The following FHIP1A variants were observed in gnomAD, a reference collection of about 807,000 sequenced individuals.
FHIP1A encodes the protein FHF complex subunit HOOK interacting protein 1A, also known as FHF complex subunit HOOK-interacting protein 1A.
A neutral mutation model predicts 88.6 loss-of-function variants in FHIP1A; 61 were observed. The observed-to-expected ratio is 0.69, with a 90% CI of 0.56 to 0.85. The LOEUF (loss-of-function observed/expected upper bound fraction) is 0.85. Ranked by LOEUF, FHIP1A falls within the 40% of genes least tolerant of loss-of-function variation. The pLI, the probability that FHIP1A is intolerant of heterozygous loss-of-function variation, is 0.00. For missense variants in FHIP1A, 1,154 were observed against 1,273.5 expected (o/e 0.91, Z 1.43); for synonymous variants, 478 against 496.0 (o/e 0.96, Z 0.48).
At chr4:151,622,264 C>T (rs1327890954) in intron 7 of FHIP1A, among the ~76,000 whole-genome samples, 1 of 152,126 alleles carries the variant, frequency 6.6e-6, no homozygotes. Flanking sequence ...TCCATCACCA[C>T]TTATTAAGAT....
rs77297958 is a variant in FHIP1A at position 151,415,636 on chromosome 4, T to A, written c.-356+6171T>A. On this transcript the variant is annotated intron_variant, in intron 1 of 13. Coordinates refer to ENST00000435205, the MANE Select transcript of FHIP1A (RefSeq NM_001109977.3). ...GGTTTGTGAGTCACTGTTATGAAAA[T>A]GTTAAATTTCTTTTATTTACATTTC... Among the ~76,000 whole-genome samples the A allele has an allele frequency of 5.4e-3, 820 of 152,370 alleles. 7 individuals are homozygous for A. Among genetic ancestry groups the A allele is most frequent in the African/African-American group, 0.019 (798 of 41,582 alleles).
chr4:151,627,826 A>G (rs1405782599), intron 7 of FHIP1A, among the ~76,000 whole-genome samples: 1 of 152,222 alleles, frequency 6.6e-6, no homozygotes, highest in African/African-American at 2.4e-5. Context: ...TCTGGCAAAT[A>G]TAAATCACTA....
chr4:151,653,727 G>A (rs936269078), intron 11 of FHIP1A, among the ~76,000 whole-genome samples: 2 of 152,112 alleles, frequency 1.3e-5, no homozygotes, highest in Non-Finnish European at 2.9e-5. Context: ...GGAGCTTCAG[G>A]TCCACATCAG....
At chr4:151,524,201 C>T (rs1731548776) in intron 3 of FHIP1A, among the ~76,000 whole-genome samples, 1 of 151,766 alleles carries the variant, frequency 6.6e-6, no homozygotes, top group Admixed American at 6.6e-5. Flanking sequence ...ACTTGGGAGG[C>T]TGAGGCAGGA....
chr4:151,479,475 C>T (rs1729821213), intron 2 of FHIP1A, among the ~76,000 whole-genome samples: 1 of 152,012 alleles, frequency 6.6e-6, no homozygotes, highest in South Asian at 2.1e-4. Flanking sequence ...TATTACCTGT[C>T]CCAGTTCAAT....
rs114364661 is a variant in FHIP1A, at chr4:151,493,813, G to A, written c.-123+11165G>A. On this transcript the variant is annotated intron_variant, in intron 3 of 13. Transcript: ENST00000435205. ...AATCCTTAGCAAAATCAACATTGAA[G>A]GGACATACCTTAAGGTAATAAAAGC... Among the ~76,000 whole-genome samples the A allele has an allele frequency of 5.6e-3, 850 of 152,258 alleles. 6 individuals carry two copies. The highest frequency in any genetic ancestry group is 0.019 in the African/African-American group (773 of 41,562).
rs1270923524 is a variant in FHIP1A, at chr4:151,656,518, ATT to A, written c.2730+110_2730+111del. ...TTCAAAAATTCCTTTGCTCTAATTCATTTGCTTTCCTTCCCTGTCCTATTAAG... is the reference window on the plus strand; with the variant it reads ...TTCAAAAATTCCTTTGCTCTAATTCATGCTTTCCTTCCCTGTCCTATTAAG... On this transcript the variant is annotated intron_variant, in intron 12 of 13. Transcript: ENST00000435205. The surrounding 1 kb of genome is among the most constrained non-coding windows in gnomAD (Gnocchi z 4.2). 1.7e-6 allele frequency: 2 copies of A among 1,197,946 alleles called. No homozygotes were observed. The highest frequency in any genetic ancestry group is 5.1e-5 in the East Asian group (2 of 39,178). The allele number at this position is 1,197,946 out of a possible 1,614,324, so 74.2% of individuals were successfully genotyped here.
chr4:151,598,669 C>T (rs1207403292), intron 7 of FHIP1A, among the ~76,000 whole-genome samples: 4 of 152,162 alleles, frequency 2.6e-5, no homozygotes, highest in African/African-American at 9.7e-5. Context: ...TAAATAATTT[C>T]ATGCTTAAAC....
At chr4:151,622,575 T>C (rs772353234) in intron 7 of FHIP1A, among the ~76,000 whole-genome samples, 5 of 152,106 alleles carry the variant, frequency 3.3e-5, no homozygotes, top group Non-Finnish European at 7.4e-5. Flanking sequence ...CTCATAAGAT[T>C]GTTGGGACTC....
intron 3 of FHIP1A, among the ~76,000 whole-genome samples, chr4:151,531,563 T>A (rs1192352263): frequency 6.6e-6 from 1 of 152,058 alleles, no homozygotes; most frequent in East Asian, 1.9e-4. Flanking sequence ...AGTAAAATTT[T>A]CATATGAGAC....
chr4:151,504,840 A>T (rs1239543799), intron 3 of FHIP1A, among the ~76,000 whole-genome samples: 1 of 152,112 alleles, frequency 6.6e-6, no homozygotes. Context: ...CTGGTCTCAA[A>T]CTGCTGCCTG....
Position 151,448,177 on chromosome 4 carries a change from C to T in FHIP1A, c.-355-6524C>T, listed in dbSNP as rs536382282. On this transcript the variant is annotated intron_variant, in intron 1 of 13. Transcript: ENST00000435205. ...CAAGTGACCCTCCCGTCTTAGCCTC[C>T]GAAAGTGCTGGGATTACAGGTGTGA... is the stretch of plus-strand genomic sequence containing the variant. 1.6e-4 allele frequency among the ~76,000 whole-genome samples: 25 copies of T among 152,142 alleles called. No individual in the cohort carries two copies. The South Asian group carries it at 4.4e-3, about 27-fold the overall frequency.
chr4:151,460,432 TACCACC>T (rs138021090), intron 2 of FHIP1A, among the ~76,000 whole-genome samples: 1 of 152,158 alleles, frequency 6.6e-6, no homozygotes, highest in South Asian at 2.1e-4. Context: ...CTGTTGTACC[TACCACC>T]ACCACCACCT....
At chr4:151,556,926 G>T (rs1167450079) in intron 3 of FHIP1A, among the ~76,000 whole-genome samples, 1 of 151,662 alleles carries the variant, frequency 6.6e-6, no homozygotes, top group African/African-American at 2.4e-5. Context: ...CAGCTGTTTT[G>T]TCCAACTTAA....
intron 3 of FHIP1A, among the ~76,000 whole-genome samples, chr4:151,505,367 G>A (rs887839814): frequency 6.6e-6 from 1 of 152,084 alleles, no homozygotes; most frequent in Non-Finnish European, 1.5e-5. Flanking sequence ...AATAAGAAAG[G>A]AGTCCCCAAA....
At position 151,656,785 on chromosome 4, in the gene FHIP1A, T is replaced by C. The variant is rs1351743932; in HGVS notation, c.2756T>C (p.Ile919Thr). The change falls in exon 13 of 14, where the codon ATT becomes ACT. Residue 919 changes from isoleucine (I) to threonine (T), a missense_variant. Transcript: ENST00000435205. The surrounding 1 kb of genome is among the most constrained non-coding windows in gnomAD (Gnocchi z 4.2). ...GTCCTTGCATCTGTGAAAAACAAGA[T>C]TGAACAGTTTGCTTCTGTGGAGAGA... ...YQVLASVKNK[I>T]EQFASVERDF... 3.2e-6 allele frequency: 5 copies of C among 1,551,664 alleles called. No individual in the cohort carries two copies. Among genetic ancestry groups the C allele is most frequent in the Admixed American group, 3.9e-5 (2 of 50,988 alleles).
intron 3 of FHIP1A, among the ~76,000 whole-genome samples, chr4:151,499,009 T>G (rs1411768488): frequency 6.6e-6 from 1 of 152,200 alleles, no homozygotes; most frequent in Non-Finnish European, 1.5e-5. Context: ...TAAACAGTTA[T>G]TAAGCAATGA....
At chr4:151,492,638 C>A (rs1039924756) in intron 3 of FHIP1A, among the ~76,000 whole-genome samples, 2 of 151,440 alleles carry the variant, frequency 1.3e-5, no homozygotes, top group Non-Finnish European at 2.9e-5. Flanking sequence ...GTACTCCTCT[C>A]TCAGACCACA....
chr4:151,633,170 A>G (rs1412391381), intron 8 of FHIP1A, among the ~76,000 whole-genome samples: 3 of 151,908 alleles, frequency 2.0e-5, no homozygotes. Context: ...AGAGCATACC[A>G]CAAACAATTA....
Sources: gnomAD v4.1 joint callset for allele counts (sites outside exome capture counted in the v4.1 genomes callset) on GRCh38, gnomAD v4.1.1 for gene constraint, Gnocchi (gnomAD v3.1) non-coding constraint, MANE v1.5 for transcripts, NCBI Gene and HGNC (gene_info 2026-07-23, HGNC 2026-07-21) for gene names.